DENND2B: variants seen among roughly 807,000 people sequenced by gnomAD.
The protein encoded by DENND2B is DENN domain-containing protein 2B.
Under a neutral mutation model 116.0 loss-of-function variants are expected in DENND2B, and 32 were observed. That is an observed-to-expected ratio of 0.28 (90% CI 0.21 to 0.37). DENND2B has a LOEUF of 0.37. DENND2B is among the 10% of genes least tolerant of loss of function. The pLI, the probability that DENND2B is intolerant of heterozygous loss-of-function variation, is 1.00. For missense variants in DENND2B, 1,276 were observed against 1,477.7 expected (o/e 0.86, Z 2.24); for synonymous variants, 588 against 583.9 (o/e 1.01, Z -0.10).
chr11:8,732,482 C>T (rs970710525), intron 2 of DENND2B, among the ~76,000 whole-genome samples: 25 of 152,170 alleles, frequency 1.6e-4, no homozygotes, highest in African/African-American at 5.3e-4. Context: ...GGCCCTGAGG[C>T]AACTCAAGAG....
At chr11:8,701,271 T>C (rs746326476) in intron 14 of DENND2B, among the ~76,000 whole-genome samples, 7 of 143,036 alleles carry the variant, frequency 4.9e-5, no homozygotes, top group Non-Finnish European at 9.1e-5. Context: ...CTGCCCCGCA[T>C]ATTCCCACGT....
intron 1 of DENND2B, among the ~76,000 whole-genome samples, chr11:8,908,729 T>C (rs1040827011): frequency 6.6e-6 from 1 of 152,234 alleles, no homozygotes; most frequent in African/African-American, 2.4e-5. Flanking sequence ...CTAAGCTTGA[T>C]AGCATTTTAT....
rs935356276 is a variant in DENND2B, at chr11:8,760,316, G to C, written c.-25-9591C>G. ...TCAGTAACCTTAGATTAAGTTCCTTGTAAGTACCCAAACCAAGATTCTCAA... is the reference window on the plus strand; with the variant it reads ...TCAGTAACCTTAGATTAAGTTCCTTCTAAGTACCCAAACCAAGATTCTCAA... On this transcript the variant is annotated intron_variant, in intron 1 of 19. Coordinates refer to ENST00000313726, the MANE Select transcript of DENND2B (RefSeq NM_213618.2). Among the ~76,000 whole-genome samples, 3 of 152,098 alleles carry C rather than the reference G, an allele frequency of 2.0e-5. No homozygotes were observed. In the South Asian group the frequency reaches 6.2e-4, roughly 32 times the overall value.
chr11:8,772,128 T>TACACACACACACAC (rs143227157), intron 1 of DENND2B, among the ~76,000 whole-genome samples: 1 of 147,160 alleles, frequency 6.8e-6, no homozygotes, highest in South Asian at 2.2e-4. Flanking sequence ...ATGGAAGCTC[T>TACACACACACACAC]ACACACACAC....
At chr11:8,704,186 C>G (rs1279002702) in intron 13 of DENND2B, among the ~76,000 whole-genome samples, 1 of 152,204 alleles carries the variant, frequency 6.6e-6, no homozygotes, top group Non-Finnish European at 1.5e-5. Flanking sequence ...GCCTGGGAGT[C>G]CAGTGTCAGG....
intron 1 of DENND2B, among the ~76,000 whole-genome samples, chr11:8,759,195 G>C (rs1265470331): frequency 6.6e-6 from 1 of 152,204 alleles, no homozygotes; most frequent in Non-Finnish European, 1.5e-5. Context: ...TCTAAGAATG[G>C]ACCTTCCTAT....
At chr11:8,895,047 T>C (rs1235092693) in intron 1 of DENND2B, among the ~76,000 whole-genome samples, 2 of 152,140 alleles carry the variant, frequency 1.3e-5, no homozygotes, top group East Asian at 1.9e-4. Flanking sequence ...GGCACATATA[T>C]ACCATGGAAT....
chr11:8,833,633 C>T (rs1245138472), intron 4 of DENND2B, among the ~76,000 whole-genome samples: 2 of 152,078 alleles, frequency 1.3e-5, no homozygotes, highest in Non-Finnish European at 2.9e-5. Context: ...TAACAGGAGG[C>T]ACAGAGTTAA....
At chr11:8,772,128 TACACACACACACAC>T (rs143227157) in intron 1 of DENND2B, among the ~76,000 whole-genome samples, 2 of 147,258 alleles carry the variant, frequency 1.4e-5, no homozygotes, top group South Asian at 4.4e-4. Flanking sequence ...ATGGAAGCTC[TACACACACACACAC>T]ACACACACAC....
At chr11:8,827,899 ACTTC>A (rs1227551083) in intron 4 of DENND2B, among the ~76,000 whole-genome samples, 1 of 152,094 alleles carries the variant, frequency 6.6e-6, no homozygotes, top group East Asian at 1.9e-4. Context: ...CCAGCCACAA[ACTTC>A]CTTCCTCTAC....
rs752487806 is a variant in DENND2B, at chr11:8,717,779, T to A, written c.1591A>T (p.Ser531Cys). The A allele has an allele frequency of 3.7e-6, 6 of 1,606,658 alleles. No individual in the cohort carries two copies. The Admixed American group carries it at 1.0e-4, about 27-fold the overall frequency. ...CTGTTGTACTTCCTGTCCTGAGGAC[T>A]CCACATCCTGTGCAAAGAGTCCAAG... is the stretch of plus-strand genomic sequence containing the variant. ...NSLDSLHRMW[S>C]PQDRKYNSPP... is the part of the protein sequence containing the mutation. The change falls in exon 5 of 20, where the codon AGT (serine) becomes TGT (cysteine). Residue 531 changes from serine (S) to cysteine (C), a missense_variant. Physicochemically the swap from Ser to Cys is moderately radical, Grantham distance 112. Transcript: ENST00000313726.
chr11:8,725,999 T>C (rs1238051940), intron 4 of DENND2B, 74 bp downstream of exon 4: 4 of 1,603,070 alleles, frequency 2.5e-6, no homozygotes, highest in East Asian at 2.2e-5. Context: ...GAGGTCAATC[T>C]AGGTGTCTCC....
intron 1 of DENND2B, among the ~76,000 whole-genome samples, chr11:8,778,629 C>G (rs1202488658): frequency 6.6e-6 from 1 of 152,342 alleles, no homozygotes; most frequent in South Asian, 2.1e-4. Context: ...CCTCCAGCTC[C>G]AATCTACCAT....
At chr11:8,722,209 T>C (rs1208195658) in intron 4 of DENND2B, among the ~76,000 whole-genome samples, 2 of 152,208 alleles carry the variant, frequency 1.3e-5, no homozygotes, top group East Asian at 3.9e-4. Context: ...ATGCCTAGTG[T>C]AGGCAGGAGG....
intron 2 of DENND2B, among the ~76,000 whole-genome samples, chr11:8,880,381 G>GTGTA (rs1594334295): frequency 1.4e-5 from 2 of 145,054 alleles, no homozygotes; most frequent in East Asian, 4.0e-4. Context: ...GTGTGTGTGT[G>GTGTA]TGTAGTTTTT....
intron 1 of DENND2B, among the ~76,000 whole-genome samples, chr11:8,902,201 C>T (rs2064178611): frequency 6.6e-6 from 1 of 152,010 alleles, no homozygotes; most frequent in South Asian, 2.1e-4. Flanking sequence ...TGGCACGCGC[C>T]TGTAATCCCA....
intron 2 of DENND2B, among the ~76,000 whole-genome samples, chr11:8,861,222 A>G (rs965737036): frequency 6.6e-6 from 1 of 152,216 alleles, no homozygotes; most frequent in Non-Finnish European, 1.5e-5. Flanking sequence ...CTGCACAGCA[A>G]AAGAAATAAC....
rs995975642 is a variant in DENND2B, at chr11:8,891,527, C to T, written c.-255-10418G>A. 9.2e-5 allele frequency among the ~76,000 whole-genome samples: 14 copies of T among 152,058 alleles called. No homozygotes were observed. The East Asian group carries it at 9.7e-4, about 11-fold the overall frequency. On this transcript the variant is annotated intron_variant, in intron 1 of 22. Coordinates refer to the DENND2B transcript ENST00000534127. Reference sequence around the variant, plus strand: ...CATGCAGAGACACACATAGGCTCAACATAAAGGGATGGAGGAAGATCTACC... The same window carrying T: ...CATGCAGAGACACACATAGGCTCAATATAAAGGGATGGAGGAAGATCTACC...
At chr11:8,798,941 T>G (rs1159990475) in intron 1 of DENND2B, among the ~76,000 whole-genome samples, 1 of 151,468 alleles carries the variant, frequency 6.6e-6, no homozygotes, top group East Asian at 2.0e-4. Context: ...AATTCTCCTG[T>G]CTCAGCCTCC....
Sources: allele counts gnomAD v4.1 joint callset (sites outside exome capture counted in the v4.1 genomes callset), GRCh38; gene constraint gnomAD v4.1.1; transcripts MANE v1.5; gene names NCBI Gene and HGNC (gene_info 2026-07-23, HGNC 2026-07-21).